The following SLC8A1 variants were observed in gnomAD, a reference collection of about 807,000 sequenced individuals.
The protein encoded by SLC8A1 is sodium/calcium exchanger 1.
Under a neutral mutation model 68.3 loss-of-function variants are expected in SLC8A1, and 18 were observed. That is an observed-to-expected ratio of 0.26 (90% CI 0.18 to 0.39). SLC8A1 has a LOEUF of 0.39. Ranked by LOEUF, SLC8A1 falls within the 10% of genes least tolerant of loss-of-function variation. The pLI is 1.00. For synonymous variants in SLC8A1, 475 were observed against 415.5 expected (o/e 1.14, Z -1.74); for missense variants, 985 against 1,156.7 (o/e 0.85, Z 2.15).
chr2:40,099,535 T>G (rs1440499549), exon 8 of SLC8A1: 1 of 152,080 alleles, frequency 6.6e-6, no homozygotes, highest in Non-Finnish European at 1.5e-5. Flanking sequence ...TCTGCATTTT[T>G]GCCTCCCTTC....
At chr2:40,507,645 A>G (rs1706454588) in intron 1 of SLC8A1, among the ~76,000 whole-genome samples, 1 of 151,964 alleles carries the variant, frequency 6.6e-6, no homozygotes, top group Non-Finnish European at 1.5e-5. Flanking sequence ...TTCAAATCCT[A>G]CTTCCTCTTT....
chr2:40,218,881 T>C (rs1279252592), intron 2 of SLC8A1, among the ~76,000 whole-genome samples: 1 of 152,200 alleles, frequency 6.6e-6, no homozygotes, highest in African/African-American at 2.4e-5. Context: ...AATAGCACAG[T>C]GCCCTGGCTG....
chr2:40,228,727 C>T lies in SLC8A1; in HGVS notation c.1809-50872G>A, dbSNP rs191637694. 2.4e-3 allele frequency among the ~76,000 whole-genome samples: 364 copies of T among 152,190 alleles called. 1 individual carries two copies. The highest frequency in any genetic ancestry group is 3.3e-3 in the Non-Finnish European group (225 of 68,002). On this transcript the variant is annotated intron_variant, in intron 2 of 7. Transcript: ENST00000406785. Reference sequence around the variant, plus strand: ...CTATGTTGAACGCAGAAATGGTAGGCGAGCCTCAAAGCAGTTTAAAATCCA... The same window carrying T: ...CTATGTTGAACGCAGAAATGGTAGGTGAGCCTCAAAGCAGTTTAAAATCCA...
At chr2:40,335,799 T>C (rs1196862502) in intron 2 of SLC8A1, among the ~76,000 whole-genome samples, 1 of 152,238 alleles carries the variant, frequency 6.6e-6, no homozygotes, top group Non-Finnish European at 1.5e-5. Context: ...TTGTCATGAT[T>C]ATCTGGCTCT....
intron 2 of SLC8A1, among the ~76,000 whole-genome samples, chr2:40,393,430 C>G (rs945285317): frequency 4.6e-5 from 7 of 152,144 alleles, no homozygotes; most frequent in Middle Eastern, 3.4e-3. Context: ...TTTACAGGTT[C>G]AAGGGTGGAA....
chr2:40,227,334 A>G (rs1287429467), intron 2 of SLC8A1, among the ~76,000 whole-genome samples: 2 of 152,030 alleles, frequency 1.3e-5, no homozygotes, highest in Non-Finnish European at 2.9e-5. Flanking sequence ...AATGAGTACC[A>G]CACTCTGTGA....
chr2:40,391,142 A>AATAT (rs56902340), intron 2 of SLC8A1, among the ~76,000 whole-genome samples: 7 of 148,852 alleles, frequency 4.7e-5, no homozygotes, highest in Admixed American at 1.3e-4. Flanking sequence ...TTCTCCTTAA[A>AATAT]ATATATATAT....
chr2:40,507,625 A>C (rs1410286895), intron 1 of SLC8A1, among the ~76,000 whole-genome samples: 1 of 152,048 alleles, frequency 6.6e-6, no homozygotes, highest in African/African-American at 2.4e-5. Flanking sequence ...AACAGAGCTT[A>C]AATGCAGCCT....
chr2:40,177,005 A>G (rs4952532), intron 3 of SLC8A1, among the ~76,000 whole-genome samples: 70,023 of 151,864 alleles, frequency 0.46, 18,731 homozygotes, highest in Non-Finnish European at 0.62. Flanking sequence ...ATAATCAGCA[A>G]AATCGGCATA....
At chr2:40,242,132 ATG>A (rs980579260) in intron 2 of SLC8A1, among the ~76,000 whole-genome samples, 2 of 151,186 alleles carry the variant, frequency 1.3e-5, no homozygotes, top group South Asian at 2.1e-4. Flanking sequence ...TGTGAGAAGG[ATG>A]TGTGTGTGTG....
chr2:40,458,185 C>G (rs1471807555), intron 1 of SLC8A1, among the ~76,000 whole-genome samples: 1 of 152,182 alleles, frequency 6.6e-6, no homozygotes, highest in Non-Finnish European at 1.5e-5. Context: ...TTTTCTGCTG[C>G]TCTATCAAAT....
At chr2:40,269,842 A>G (rs1457290100) in intron 2 of SLC8A1, among the ~76,000 whole-genome samples, 1 of 152,034 alleles carries the variant, frequency 6.6e-6, no homozygotes, top group Non-Finnish European at 1.5e-5. Context: ...CACGTGCACA[A>G]TGTGCAGGTT....
chr2:40,104,040 C>T (rs1373040874), exon 8 of SLC8A1: 1 of 152,200 alleles, frequency 6.6e-6, no homozygotes, highest in Non-Finnish European at 1.5e-5. Flanking sequence ...CCAGAGAGAG[C>T]TGAAGATTCC....
intron 4 of SLC8A1, among the ~76,000 whole-genome samples, chr2:40,168,892 C>A (rs2046993022): frequency 6.6e-6 from 1 of 152,114 alleles, no homozygotes; most frequent in Non-Finnish European, 1.5e-5. Context: ...ATAGTCTTAA[C>A]CAATCCAAAC....
intron 2 of SLC8A1, among the ~76,000 whole-genome samples, chr2:40,420,965 A>G (rs1045681998): frequency 1.3e-5 from 2 of 152,206 alleles, no homozygotes; most frequent in Non-Finnish European, 2.9e-5. Flanking sequence ...AATGAGTCTA[A>G]TAAGAGTAGC....
intron 4 of SLC8A1, among the ~76,000 whole-genome samples, chr2:40,170,642 G>T (rs938965802): frequency 3.9e-5 from 6 of 152,182 alleles, no homozygotes; most frequent in Non-Finnish European, 8.8e-5. Context: ...ATTCCTACAG[G>T]TATCTTAAAT....
At chr2:40,371,235 G>C (rs1031521458) in intron 2 of SLC8A1, among the ~76,000 whole-genome samples, 1 of 152,074 alleles carries the variant, frequency 6.6e-6, no homozygotes, top group Non-Finnish European at 1.5e-5. Flanking sequence ...TTTCCTTTCA[G>C]TGTAGGGGTT....
chr2:40,127,694 C>T (rs1393177321), intron 7 of SLC8A1, among the ~76,000 whole-genome samples: 2 of 152,158 alleles, frequency 1.3e-5, no homozygotes, highest in Admixed American at 6.5e-5. Flanking sequence ...CAATGATGAC[C>T]TAATAATAGC....
chr2:40,113,591 T>C (rs2034847747), exon 8 of SLC8A1: 1 of 152,674 alleles, frequency 6.5e-6, no homozygotes, highest in African/African-American at 2.4e-5. Flanking sequence ...ACTACTGATA[T>C]AATCAAAGAG....
Sources: gnomAD v4.1 joint callset for allele counts (sites outside exome capture counted in the v4.1 genomes callset) on GRCh38, gnomAD v4.1.1 for gene constraint, MANE v1.5 for transcripts, NCBI Gene and HGNC (gene_info 2026-07-23, HGNC 2026-07-21) for gene names.